The following CACNA2D3 variants were observed in gnomAD, a reference collection of about 807,000 sequenced individuals.
CACNA2D3 encodes calcium voltage-gated channel auxiliary subunit alpha2delta 3, also known as voltage-dependent calcium channel subunit alpha-2/delta-3.
A neutral mutation model predicts 160.6 loss-of-function variants in CACNA2D3; 60 were observed. The observed-to-expected ratio is 0.37, with a 90% CI of 0.30 to 0.46. The LOEUF is 0.46. Among genes scored for constraint, CACNA2D3 ranks in the 20% least tolerant of loss-of-function variants. The pLI is 1.00. For synonymous variants in CACNA2D3, 558 were observed against 492.9 expected (o/e 1.13, Z -1.75); for missense variants, 1,205 against 1,365.0 (o/e 0.88, Z 1.85).
chr3:54,318,229 G>A (rs1266558939), intron 2 of CACNA2D3, among the ~76,000 whole-genome samples: 1 of 152,160 alleles, frequency 6.6e-6, no homozygotes, highest in Non-Finnish European at 1.5e-5. Flanking sequence ...GAGCACAGAC[G>A]GTTTTGGGGT....
chr3:54,697,774 A>T (rs1055032388), intron 11 of CACNA2D3, among the ~76,000 whole-genome samples: 2 of 152,236 alleles, frequency 1.3e-5, no homozygotes, highest in African/African-American at 2.4e-5. Flanking sequence ...ATTTTAATGG[A>T]TGCTAAAGCT....
intron 5 of CACNA2D3, among the ~76,000 whole-genome samples, chr3:54,560,841 C>T (rs1001846690): frequency 2.0e-5 from 3 of 152,100 alleles, no homozygotes; most frequent in Admixed American, 6.5e-5. Context: ...GAATCCTTTC[C>T]CCATTGCTTG....
At chr3:54,451,229 C>CTTTTTTTTTTTTTTTTTTT (rs71074970) in intron 4 of CACNA2D3, among the ~76,000 whole-genome samples, 1 of 51,754 alleles carries the variant, frequency 1.9e-5, no homozygotes, top group Non-Finnish European at 3.2e-5. Context: ...ATATAATAAT[C>CTTTTTTTTTTTTTTTTTTT]TTTTTTTTTT....
intron 25 of CACNA2D3, among the ~76,000 whole-genome samples, chr3:54,893,127 T>G (rs1700105847): frequency 6.6e-6 from 1 of 151,996 alleles, no homozygotes; most frequent in Non-Finnish European, 1.5e-5. Context: ...AATACAAAAA[T>G]TAGCCGGGCA....
intron 17 of CACNA2D3, among the ~76,000 whole-genome samples, chr3:54,857,762 C>T (rs1016341306): frequency 5.3e-5 from 8 of 152,204 alleles, no homozygotes; most frequent in Admixed American, 6.5e-5. Context: ...ACTAGAGCTT[C>T]AAATGCAGTT....
rs1394051040 is a variant in CACNA2D3, at chr3:54,968,430, T to G, written c.2450-20T>G. 1 of 1,574,360 alleles carries G rather than the reference T, an allele frequency of 6.4e-7. No homozygotes were observed. Among genetic ancestry groups the G allele is most frequent in the Non-Finnish European group, 8.7e-7 (1 of 1,149,034 alleles). ...GTAAAGGGATCACTAATGCCTTGTT[T>G]TATTTATAATTTGTCCCAGCTGTAG... On this transcript the variant is annotated intron_variant, in intron 27 of 37. Coordinates refer to ENST00000474759, the MANE Select transcript of CACNA2D3 (RefSeq NM_018398.3).
intron 9 of CACNA2D3, among the ~76,000 whole-genome samples, chr3:54,606,537 G>T (rs1348901849): frequency 6.6e-6 from 1 of 152,202 alleles, no homozygotes; most frequent in Admixed American, 6.5e-5. Context: ...GTTCCAGGAA[G>T]AAGAGACAAG....
At chr3:54,972,004 T>TAA (rs72351538) in intron 29 of CACNA2D3, among the ~76,000 whole-genome samples, 1 of 151,214 alleles carries the variant, frequency 6.6e-6, no homozygotes, top group African/African-American at 2.4e-5. Flanking sequence ...TTTATAAATT[T>TAA]AAAAAAAAAC....
intron 2 of CACNA2D3, among the ~76,000 whole-genome samples, chr3:54,168,511 C>G (rs1700500170): frequency 6.6e-6 from 1 of 152,146 alleles, no homozygotes; most frequent in Admixed American, 6.5e-5. Flanking sequence ...TGGAATTCAC[C>G]TCCCATGATG....
intron 3 of CACNA2D3, among the ~76,000 whole-genome samples, chr3:54,347,754 A>G (rs1698484820): frequency 6.6e-6 from 1 of 151,786 alleles, no homozygotes; most frequent in Non-Finnish European, 1.5e-5. Flanking sequence ...AGATGATTCC[A>G]GGCTCCTCTC....
intron 2 of CACNA2D3, among the ~76,000 whole-genome samples, chr3:54,253,676 A>G (rs1344296164): frequency 1.3e-5 from 2 of 152,128 alleles, no homozygotes; most frequent in Admixed American, 1.3e-4. Context: ...TGGAGGAAGT[A>G]TTTGTGAGCT....
chr3:54,945,565 T>C (rs1316923857), intron 27 of CACNA2D3, among the ~76,000 whole-genome samples: 2 of 152,126 alleles, frequency 1.3e-5, no homozygotes, highest in African/African-American at 4.8e-5. Context: ...CTCCCACTTA[T>C]TAGCACCATA....
intron 17 of CACNA2D3, among the ~76,000 whole-genome samples, chr3:54,852,667 A>G (rs1426289371): frequency 6.6e-6 from 1 of 152,088 alleles, no homozygotes; most frequent in East Asian, 1.9e-4. Flanking sequence ...GTGGTTATAG[A>G]TGGGTCCTCA....
intron 17 of CACNA2D3, among the ~76,000 whole-genome samples, chr3:54,859,433 G>A (rs1699237268): frequency 6.6e-6 from 1 of 152,202 alleles, no homozygotes; most frequent in African/African-American, 2.4e-5. Context: ...AGGTTGCTAG[G>A]CAAAGGGAAA....
Position 54,924,613 on chromosome 3 carries a change from A to T in CACNA2D3, c.2449+24745A>T, listed in dbSNP as rs752282581. On this transcript the variant is annotated intron_variant, in intron 27 of 37. Coordinates refer to ENST00000474759, the MANE Select transcript of CACNA2D3 (RefSeq NM_018398.3). ...AGATGGGGGGTTCCAAATAGACATG[A>T]CTGACCTTTATAGACAAATTTCTCC... 8 of 1,608,054 alleles carry T rather than the reference A, an allele frequency of 5.0e-6. No individual in the cohort carries two copies. The South Asian group carries it at 8.8e-5, about 18-fold the overall frequency.
chr3:54,844,434 G>T (rs1290236084), intron 16 of CACNA2D3, among the ~76,000 whole-genome samples: 1 of 152,148 alleles, frequency 6.6e-6, no homozygotes, highest in Non-Finnish European at 1.5e-5. Context: ...ACATTGGGAT[G>T]GGAAGATGAG....
intron 11 of CACNA2D3, among the ~76,000 whole-genome samples, chr3:54,675,578 A>G (rs1190941921): frequency 6.6e-6 from 1 of 151,896 alleles, no homozygotes; most frequent in African/African-American, 2.4e-5. Context: ...TGAGTCTAGG[A>G]CTCATTTCTG....
chr3:54,123,169 G>GGA (rs1040381270), intron 1 of CACNA2D3, among the ~76,000 whole-genome samples: 1 of 150,112 alleles, frequency 6.7e-6, no homozygotes. Context: ...TTGGGGGGGG[G>GGA]ATGGGTGGAT....
intron 4 of CACNA2D3, among the ~76,000 whole-genome samples, chr3:54,458,920 A>C (rs543070385): frequency 0.062 from 9,414 of 151,378 alleles, 574 homozygotes; most frequent in African/African-American, 0.15. Flanking sequence ...TATCCCTCCC[A>C]ACTTCCCCCA....
Sources: gnomAD v4.1 joint callset for allele counts (sites outside exome capture counted in the v4.1 genomes callset) on GRCh38, gnomAD v4.1.1 for gene constraint, MANE v1.5 for transcripts, NCBI Gene and HGNC (gene_info 2026-07-23, HGNC 2026-07-21) for gene names.